The following ZNF844 variants were observed in gnomAD, a reference collection of about 807,000 sequenced individuals.
ZNF844 encodes zinc finger protein 844.
ZNF844 carries 11 observed loss-of-function variants against 11.4 expected under a neutral mutation model. The ratio of observed to expected loss-of-function variants is 0.97; its 90% confidence interval spans 0.61 to 1.60. The LOEUF (loss-of-function observed/expected upper bound fraction) is 1.60. Ranked by LOEUF, ZNF844 falls within the 40% of genes most tolerant of loss-of-function variation. ZNF844 has a pLI of 0.00. For missense variants in ZNF844, 790 were observed against 796.8 expected (o/e 0.99, Z 0.10); for synonymous variants, 248 against 260.3 (o/e 0.95, Z 0.46).
At chr19:12,066,184 C>A (rs997507920) in intron 1 of ZNF844, among the ~76,000 whole-genome samples, 2 of 151,978 alleles carry the variant, frequency 1.3e-5, no homozygotes, top group Non-Finnish European at 1.5e-5. Context: ...CCTCGGCCCC[C>A]CAAAGTGCTG....
chr19:12,068,841 AT>A (rs1975720659), intron 1 of ZNF844, among the ~76,000 whole-genome samples: 1 of 152,108 alleles, frequency 6.6e-6, no homozygotes, highest in African/African-American at 2.4e-5. Context: ...AACACTGGGT[AT>A]TTTCTCATTG....
chr19:12,067,837 A>G lies in ZNF844; in HGVS notation c.3+2961A>G, dbSNP rs78672158. Among the ~76,000 whole-genome samples the G allele has an allele frequency of 2.4e-3, 355 of 149,790 alleles. 11 individuals carry two copies. In the East Asian group the frequency reaches 0.062, roughly 26 times the overall value. On this transcript the variant is annotated intron_variant, in intron 1 of 3. Transcript: ENST00000439326. ...AGGCTGAGGCAGGAGACGTGAACCC[A>G]GGAGGTGGAGCTTGCAGTGAGCCGA...
At chr19:12,075,087 G>A (rs913358321) in intron 3 of ZNF844, among the ~76,000 whole-genome samples, 1 of 152,088 alleles carries the variant, frequency 6.6e-6, no homozygotes, top group African/African-American at 2.4e-5. Flanking sequence ...ATAGCATTAG[G>A]AGATATACCT....
At chr19:12,065,930 C>G (rs539735350) in intron 1 of ZNF844, among the ~76,000 whole-genome samples, 1 of 151,934 alleles carries the variant, frequency 6.6e-6, no homozygotes, top group Non-Finnish European at 1.5e-5. Context: ...CCACCTGGCC[C>G]GGCTAAAAAT....
Position 12,081,359 on chromosome 19 carries a change from G to C in ZNF844, c.*4238G>C, listed in dbSNP as rs1250277886. On this transcript the variant is annotated 3_prime_UTR_variant, in exon 4 of 4. Coordinates refer to ENST00000439326, the MANE Select transcript of ZNF844 (RefSeq NM_001136501.3). ...CCTCCCAGGAAGTTTTGAGTTTCCTGTGTTTCATTTCTGAATGTAATGTCT... is the reference window on the plus strand; with the variant it reads ...CCTCCCAGGAAGTTTTGAGTTTCCTCTGTTTCATTTCTGAATGTAATGTCT... The C allele has an allele frequency of 2.6e-5, 4 of 152,074 alleles. No individual in the cohort carries two copies. The East Asian group carries it at 7.7e-4, about 29-fold the overall frequency. 9.4% of individuals were successfully genotyped at this position (152,074 alleles called of 1,614,324 possible). A position where few individuals can be genotyped will look rare whatever the true frequency, so the allele number is the denominator to read the frequency against.
Position 12,077,096 on chromosome 19 carries a change from A to T in ZNF844, c.1976A>T (p.Asp659Val). The change falls in exon 4 of 4, where the codon GAC becomes GTC. Residue 659 changes from aspartate (D) to valine (V), a missense_variant. Transcript: ENST00000439326. ...TCAGTTTGCCTGGTTCCTTTCGTAG[A>T]CATAAAAGGGCTCACACTGGAGTGA... ...KHSVCLVPFV[D>V]IKGLTLE 1 of 1,596,908 alleles carries T rather than the reference A, an allele frequency of 6.3e-7. No homozygotes were observed. The highest frequency in any genetic ancestry group is 1.7e-4 in the Middle Eastern group (1 of 6,042).
chr19:12,077,176 A>G lies in ZNF844; in HGVS notation c.*55A>G, dbSNP rs1975837921. The G allele has an allele frequency of 3.7e-6, 6 of 1,602,914 alleles. No homozygotes were observed. In the East Asian group the frequency reaches 1.1e-4, roughly 30 times the overall value. On this transcript the variant is annotated 3_prime_UTR_variant, in exon 4 of 4. Transcript: ENST00000439326. ...GCCTTCACTTCTTCTGGTTCCTTTCAGTGTCATAAAAGGATTCACACTGGA... is the reference window on the plus strand; with the variant it reads ...GCCTTCACTTCTTCTGGTTCCTTTCGGTGTCATAAAAGGATTCACACTGGA...
chr19:12,077,682 G>A lies in ZNF844; in HGVS notation c.*561G>A, dbSNP rs547227198. 3.4e-4 allele frequency: 167 copies of A among 494,016 alleles called. 3 individuals carry two copies. The highest frequency in any genetic ancestry group is 2.3e-3 in the South Asian group (144 of 62,762). 30.6% of individuals were successfully genotyped at this position (494,016 alleles called of 1,614,324 possible). ...CTACAGATCTGTCTCACAACTTCTG[G>A]TGCATGAAAGGACTCACACTGTAGA... On this transcript the variant is annotated 3_prime_UTR_variant, in exon 4 of 4. Coordinates refer to ENST00000439326, the MANE Select transcript of ZNF844 (RefSeq NM_001136501.3).
Position 12,076,734 on chromosome 19 carries a change from A to T in ZNF844, c.1614A>T (p.Lys538Asn), listed in dbSNP as rs1975827678. 1.2e-6 allele frequency: 2 copies of T among 1,609,460 alleles called. No individual in the cohort carries two copies. Among genetic ancestry groups the T allele is most frequent in the Non-Finnish European group, 1.7e-6 (2 of 1,178,088 alleles). ...ACTGTATGAATCTAAACAATGTGAA[A>T]AAACCTTTGGATCTGTCAGAAACCT... ...ESNCMNLNNV[K>N]KPLDLSETFK... The change falls in exon 4 of 4, where the codon AAA (lysine) becomes AAT (asparagine). Residue 538 changes from lysine to asparagine, a missense_variant. Physicochemically the swap from Lys to Asn is moderately conservative, Grantham distance 94. Transcript: ENST00000439326.
chr19:12,079,039 G>A lies in ZNF844; in HGVS notation c.*1918G>A, dbSNP rs1456051923. ...TAATTTTTGTATTTTTAGTAGAGAC[G>A]GGGCTTCACTATGTTGGCCAGGTTC... On this transcript the variant is annotated 3_prime_UTR_variant, in exon 4 of 4. Transcript: ENST00000439326. The A allele has an allele frequency of 3.3e-5, 5 of 151,950 alleles. No individual in the cohort carries two copies. The highest frequency in any genetic ancestry group is 5.9e-5 in the Non-Finnish European group (4 of 68,038). The allele number at this position is 151,950 out of a possible 1,614,324, so 9.4% of individuals were successfully genotyped here. A position where few individuals can be genotyped will look rare whatever the true frequency, so the allele number is the denominator to read the frequency against.
In ZNF844 at chr19:12,075,603, G is replaced by C. The variant is rs755256359; in HGVS notation, c.483G>C (p.Lys161Asn). Residue 161 changes from lysine (K) to asparagine (N), a missense_variant, in exon 4 of 4, where the codon AAG (lysine) becomes AAC (asparagine). Around this residue, in one of 3 missense-constraint regions of ZNF844, gnomAD observed 657 missense variants for 636.2 expected, o/e 1.03. Transcript: ENST00000439326. ...ACCCCTCCTTTCAAATGCAAGAAAA[G>C]GCTCACACTGGAGAAAAACTCTATG... Reference protein sequence around the residue: ...RCHPSFQMQEKAHTGEKLYDC... With the variant: ...RCHPSFQMQENAHTGEKLYDC... The C allele has an allele frequency of 1.9e-6, 3 of 1,613,610 alleles. No individual in the cohort carries two copies. Among genetic ancestry groups the C allele is most frequent in the Non-Finnish European group, 2.5e-6 (3 of 1,179,882 alleles).
intron 1 of ZNF844, among the ~76,000 whole-genome samples, chr19:12,070,836 T>C (rs1311445007): frequency 2.6e-5 from 4 of 152,082 alleles, no homozygotes; most frequent in African/African-American, 9.7e-5. Context: ...CAATTATATC[T>C]AAAGAGCAAG....
rs143582057 is a variant in ZNF844, at chr19:12,078,144, T to A, written c.*1023T>A. 1 of 152,646 alleles carries A rather than the reference T, an allele frequency of 6.6e-6. No homozygotes were observed. Among genetic ancestry groups the A allele is most frequent in the African/African-American group, 2.4e-5 (1 of 40,968 alleles). 9.5% of individuals were successfully genotyped at this position (152,646 alleles called of 1,614,324 possible). ...GTGCCCGGCCGTTATTCTCTATTTT[T>A]TGTTGTTGTTTGAGATGAGTCTTGT... On this transcript the variant is annotated 3_prime_UTR_variant, in exon 4 of 4. Coordinates refer to ENST00000439326, the MANE Select transcript of ZNF844 (RefSeq NM_001136501.3).
In ZNF844 at chr19:12,080,621, G is replaced by A. The variant is rs1353181034; in HGVS notation, c.*3500G>A. 2 of 159,522 alleles carry A rather than the reference G, an allele frequency of 1.3e-5. No homozygotes were observed. Among genetic ancestry groups the A allele is most frequent in the Non-Finnish European group, 2.8e-5 (2 of 71,682 alleles). 9.9% of individuals were successfully genotyped at this position (159,522 alleles called of 1,614,324 possible). A position where few individuals can be genotyped will look rare whatever the true frequency, so the allele number is the denominator to read the frequency against. Reference sequence around the variant, plus strand: ...TCAGAGGTGTGGGCCTTTGGGTAAAGGTGTCTTCAGAAGCTCCACATTAAA... The same window carrying A: ...TCAGAGGTGTGGGCCTTTGGGTAAAAGTGTCTTCAGAAGCTCCACATTAAA... On this transcript the variant is annotated 3_prime_UTR_variant, in exon 4 of 4. Transcript: ENST00000439326.
Position 12,076,923 on chromosome 19 carries a change from C to T in ZNF844, c.1803C>T (p.Phe601=), listed in dbSNP as rs144932544. The T allele has an allele frequency of 4.6e-4, 731 of 1,595,008 alleles. 1 individual carries two copies. The highest frequency in any genetic ancestry group is 4.0e-3 in the African/African-American group (294 of 73,876). The change falls in exon 4 of 4, where the codon TTC becomes TTT. Residue 601 remains phenylalanine, a synonymous_variant. Coordinates refer to ENST00000439326, the MANE Select transcript of ZNF844 (RefSeq NM_001136501.3). Reference sequence around the variant, plus strand: ...AGCATTCATATCTGCCAAGATCCTTCGAGTACATGCAAGAACACACCCTGG... The same window carrying T: ...AGCATTCATATCTGCCAAGATCCTTTGAGTACATGCAAGAACACACCCTGG... ...VTKHSYLPRS[F]EYMQEHTLER...
Position 12,074,152 on chromosome 19 carries a change from C to A in ZNF844, c.125C>A (p.Ser42Tyr), listed in dbSNP as rs759614541. 3.7e-6 allele frequency: 6 copies of A among 1,613,526 alleles called. No homozygotes were observed. The highest frequency in any genetic ancestry group is 5.1e-6 in the Non-Finnish European group (6 of 1,179,810). The change falls in exon 2 of 4, where the codon TCC (serine) becomes TAC (tyrosine). Residue 42 changes from serine to tyrosine, a missense_variant. Physicochemically the swap from Ser to Tyr is moderately radical, Grantham distance 144 (BLOSUM62 -2). Around this residue, in one of 3 missense-constraint regions of ZNF844, gnomAD observed 129 missense variants for 144.0 expected, o/e 0.90. Transcript: ENST00000439326. ...VMQETLRNLASIGEKWKDQNI... is the reference protein window; with the variant it reads ...VMQETLRNLAYIGEKWKDQNI... The stretch of plus-strand genomic sequence containing the variant: ...CAGGAAACCTTGAGGAATCTGGCCT[C>A]CATAGGTAAGAATGACAGTATTACG...
In ZNF844 at chr19:12,076,016, A is replaced by G. The variant is rs1287115708; in HGVS notation, c.896A>G (p.His299Arg). ...AGATGGTTCCATTCCTTTCAAATAC[A>G]TGAAAGAACTCACAGTGAGGAGAAG... ...AFRWFHSFQI[H>R]ERTHSEEKAY... Residue 299 changes from histidine to arginine, a missense_variant, in exon 4 of 4, where the codon CAT becomes CGT. His to Arg is a conservative substitution (Grantham distance 29). Transcript: ENST00000439326. 3 of 1,573,276 alleles carry G rather than the reference A, an allele frequency of 1.9e-6. No homozygotes were observed. Among genetic ancestry groups the G allele is most frequent in the African/African-American group, 1.4e-5 (1 of 73,234 alleles).
At chr19:12,072,582 T>G (rs1160463754) in intron 1 of ZNF844, among the ~76,000 whole-genome samples, 2 of 152,078 alleles carry the variant, frequency 1.3e-5, no homozygotes, top group Non-Finnish European at 2.9e-5. Context: ...ATTTTTCTTT[T>G]TTCTTTTTCT....
In ZNF844 at chr19:12,076,880, A is replaced by G; in HGVS notation, c.1760A>G (p.Asn587Ser). 6.4e-7 allele frequency: 1 copy of G among 1,569,784 alleles called. No homozygotes were observed. Among genetic ancestry groups the G allele is most frequent in the Non-Finnish European group, 8.6e-7 (1 of 1,157,298 alleles). Residue 587 changes from asparagine to serine, a missense_variant, in exon 4 of 4, where the codon AAT becomes AGT. By Grantham distance (46) the Asn-to-Ser change is conservative. Coordinates refer to ENST00000439326, the MANE Select transcript of ZNF844 (RefSeq NM_001136501.3). ...TGCACAGAGGACAGAATGCCTATGA[A>G]TGTAAAGAGTGTGACAAAGCATTCA... The part of the protein sequence containing the change: ...QQCTEDRMPM[N>S]VKSVTKHSYL...
Sources: allele counts gnomAD v4.1 joint callset (sites outside exome capture counted in the v4.1 genomes callset), GRCh38; gene constraint gnomAD v4.1.1; regional missense constraint gnomAD v4.1.1; transcripts MANE v1.5; gene names NCBI Gene and HGNC (gene_info 2026-07-23, HGNC 2026-07-21).